The following CENPC variants were observed in gnomAD, a reference collection of about 807,000 sequenced individuals.
The protein encoded by CENPC is CENP-C 1.
A neutral mutation model predicts 112.1 loss-of-function variants in CENPC; 63 were observed. That is an observed-to-expected ratio of 0.56 (90% CI 0.46 to 0.69). CENPC has a LOEUF of 0.69. CENPC is among the 30% of genes least tolerant of loss of function. The probability of loss-of-function intolerance (pLI) is 0.00; values close to 1 mark genes in which losing one functional copy is unlikely to be tolerated. For synonymous variants in CENPC, 333 were observed against 367.6 expected (o/e 0.91, Z 1.08); for missense variants, 1,000 against 1,103.8 (o/e 0.91, Z 1.33).
intron 4 of CENPC, among the ~76,000 whole-genome samples, chr4:67,533,314 C>G (rs976237443): frequency 6.6e-6 from 1 of 152,160 alleles, no homozygotes; most frequent in Admixed American, 6.5e-5. Flanking sequence ...TGCCTTTCGC[C>G]CTATGCCATG....
At position 67,487,259 on chromosome 4, in the gene CENPC, A is replaced by G. The variant is rs1725120226; in HGVS notation, c.2670+2708T>C. On this transcript the variant is annotated intron_variant, in intron 17 of 18. Transcript: ENST00000273853. ...GCACAGTTTATATAGAAAAGGCAGA[A>G]TCAGTTGTTAAAGTGAGTTGGCTTC... Among the ~76,000 whole-genome samples, 5 of 152,146 alleles carry G rather than the reference A, an allele frequency of 3.3e-5. No homozygotes were observed. The South Asian group carries it at 1.0e-3, about 32-fold the overall frequency.
intron 17 of CENPC, among the ~76,000 whole-genome samples, chr4:67,478,152 T>C (rs754208820): frequency 3.9e-5 from 6 of 152,170 alleles, no homozygotes; most frequent in African/African-American, 1.4e-4. Flanking sequence ...ATAACTTCCC[T>C]GGCCTTGCTA....
Position 67,545,435 on chromosome 4 carries a change from A to C in CENPC, c.-80T>G. 1 of 1,395,580 alleles carries C rather than the reference A, an allele frequency of 7.2e-7. No individual in the cohort carries two copies. The allele number at this position is 1,395,580 out of a possible 1,614,324, so 86.4% of individuals were successfully genotyped here. A position where few individuals can be genotyped will look rare whatever the true frequency, so the allele number is the denominator to read the frequency against. On this transcript the variant is annotated 5_prime_UTR_variant, in exon 1 of 19. Coordinates refer to ENST00000273853, the MANE Select transcript of CENPC (RefSeq NM_001812.4). The stretch of plus-strand genomic sequence containing the variant: ...ACAGCTCCAGGAAGCCGAGCAAGAA[A>C]CGAATCGCCGGAATACCAGGCCGCG...
At chr4:67,514,720 A>T in intron 7 of CENPC, 33 bp from the exon 8 acceptor site, 1 of 1,527,600 alleles carries the variant, frequency 6.5e-7, no homozygotes, top group Non-Finnish European at 8.8e-7. Flanking sequence ...ACAGTTCAAA[A>T]AAATAAAGCT....
intron 5 of CENPC, among the ~76,000 whole-genome samples, chr4:67,521,829 A>C (rs1452977496): frequency 6.6e-6 from 1 of 152,238 alleles, no homozygotes; most frequent in Non-Finnish European, 1.5e-5. Flanking sequence ...AACATGGATG[A>C]ACCTTGAAGA....
chr4:67,492,402 A>G (rs1725309645), intron 15 of CENPC, 127 bp from the exon 16 acceptor site: 1 of 557,458 alleles, frequency 1.8e-6, no homozygotes, highest in Non-Finnish European at 3.1e-6. Flanking sequence ...GTCTCTTCCT[A>G]TTTATAAATC....
intron 5 of CENPC, among the ~76,000 whole-genome samples, chr4:67,522,691 C>A (rs1719538817): frequency 1.3e-5 from 2 of 151,962 alleles, no homozygotes; most frequent in Admixed American, 1.3e-4. Context: ...AAGGTGATGA[C>A]CTAAGAAAGA....
chr4:67,519,441 A>T lies in CENPC; in HGVS notation c.393T>A (p.Pro131=). 1 of 1,609,340 alleles carries T rather than the reference A, an allele frequency of 6.2e-7. No homozygotes were observed. The highest frequency in any genetic ancestry group is 8.5e-7 in the Non-Finnish European group (1 of 1,176,770). The change falls in exon 6 of 19, where the codon CCT becomes CCA. Residue 131 remains proline, a synonymous_variant. Transcript: ENST00000273853. ...TTCTACTTGATATTTTTTTCGAGTCAGGTGTATTTTTGGAACTAACATCAG... is the reference window on the plus strand; with the variant it reads ...TTCTACTTGATATTTTTTTCGAGTCTGGTGTATTTTTGGAACTAACATCAG... ...LATDVSSKNT[P]DSKKISSRNI... is the part of the protein sequence containing the mutation.
chr4:67,521,218 A>AG (rs1553896391), intron 5 of CENPC, among the ~76,000 whole-genome samples: 8 of 149,546 alleles, frequency 5.3e-5, no homozygotes, highest in African/African-American at 9.8e-5. Context: ...AAAAAAAAAA[A>AG]GTAAGAAATA....
In CENPC at chr4:67,505,287, T is replaced by G. The variant is rs1359226361; in HGVS notation, c.2052-3A>C. On this transcript the variant is annotated splice_polypyrimidine_tract_variant and splice_region_variant and intron_variant, in intron 11 of 18. Transcript: ENST00000273853. ...TATTATTGAGCCTGGAAGGTCCACTTAAGAAAAAAAGGAAACCACAAAATT... is the reference window on the plus strand; with the variant it reads ...TATTATTGAGCCTGGAAGGTCCACTGAAGAAAAAAAGGAAACCACAAAATT... 6.5e-7 allele frequency: 1 copy of G among 1,531,466 alleles called. No homozygotes were observed. The highest frequency in any genetic ancestry group is 1.4e-5 in the African/African-American group (1 of 71,478). 94.9% of individuals were successfully genotyped at this position (1,531,466 alleles called of 1,614,324 possible). A position where few individuals can be genotyped will look rare whatever the true frequency, so the allele number is the denominator to read the frequency against.
intron 2 of CENPC, among the ~76,000 whole-genome samples, chr4:67,542,963 A>G (rs1422940245): frequency 1.3e-5 from 2 of 152,194 alleles, no homozygotes; most frequent in Admixed American, 1.3e-4. Context: ...AATTTATCAA[A>G]TTCGTCTTTT....
intron 5 of CENPC, among the ~76,000 whole-genome samples, chr4:67,528,641 T>C (rs1726455490): frequency 6.6e-6 from 1 of 152,262 alleles, no homozygotes; most frequent in Non-Finnish European, 1.5e-5. Context: ...TGCTATGTTA[T>C]ATAGCAGAAC....
chr4:67,514,133 A>G lies in CENPC; in HGVS notation c.1385T>C (p.Met462Thr), dbSNP rs745903830. 1.2e-6 allele frequency: 2 copies of G among 1,610,300 alleles called. No homozygotes were observed. The highest frequency in any genetic ancestry group is 1.7e-6 in the Non-Finnish European group (2 of 1,178,644). ...DEFQRNSDRNMEEHEEMGNDC... is the reference protein window; with the variant it reads ...DEFQRNSDRNTEEHEEMGNDC... ...ATTTCCCATCTCTTCATGCTCTTCC[A>G]TATTTCTGTCTGAATTTCTTTGAAA... Residue 462 changes from methionine (M) to threonine (T), a missense_variant, in exon 8 of 19, where the codon ATG becomes ACG. Coordinates refer to ENST00000273853, the MANE Select transcript of CENPC (RefSeq NM_001812.4).
At chr4:67,508,005 C>G (rs1168123866) in intron 10 of CENPC, among the ~76,000 whole-genome samples, 1 of 152,108 alleles carries the variant, frequency 6.6e-6, no homozygotes, top group Non-Finnish European at 1.5e-5. Flanking sequence ...GATTCCAACA[C>G]AAAGTATGTA....
intron 6 of CENPC, among the ~76,000 whole-genome samples, chr4:67,518,806 G>A (rs1726134172): frequency 6.6e-6 from 1 of 152,118 alleles, no homozygotes; most frequent in Admixed American, 6.5e-5. Flanking sequence ...TTTCCTAAAG[G>A]CCAAAGGTAA....
At chr4:67,522,500 G>A (rs149792804) in intron 5 of CENPC, among the ~76,000 whole-genome samples, 1 of 152,184 alleles carries the variant, frequency 6.6e-6, no homozygotes, top group African/African-American at 2.4e-5. Context: ...TATTGTCTGG[G>A]TTCCAAGGGC....
rs137965891 is a variant in CENPC, at chr4:67,476,518, C to T, written c.2671-1540G>A. Among the ~76,000 whole-genome samples the T allele has an allele frequency of 5.8e-3, 886 of 152,262 alleles. 6 individuals carry two copies. Among genetic ancestry groups the T allele is most frequent in the Admixed American group, 0.012 (190 of 15,294 alleles). ...GAGCCCTGTTAAGTACTCCTGGTTTCCAAGGAAACCCAAGGAAGCCATTTC... is the reference window on the plus strand; with the variant it reads ...GAGCCCTGTTAAGTACTCCTGGTTTTCAAGGAAACCCAAGGAAGCCATTTC... On this transcript the variant is annotated intron_variant, in intron 17 of 18. Transcript: ENST00000273853.
chr4:67,503,899 G>A (rs1256747211), intron 12 of CENPC, among the ~76,000 whole-genome samples: 3 of 151,836 alleles, frequency 2.0e-5, no homozygotes, highest in Admixed American at 1.3e-4. Context: ...CAACTTCTTA[G>A]AATAACAGCA....
At chr4:67,537,883 C>T (rs1312094015) in intron 4 of CENPC, among the ~76,000 whole-genome samples, 1 of 152,164 alleles carries the variant, frequency 6.6e-6, no homozygotes, top group African/African-American at 2.4e-5. Context: ...AGTCAGCAGG[C>T]TGAGACGGAA....
Sources: gnomAD v4.1 joint callset for allele counts (sites outside exome capture counted in the v4.1 genomes callset) on GRCh38, gnomAD v4.1.1 for gene constraint, MANE v1.5 for transcripts, NCBI Gene and HGNC (gene_info 2026-07-23, HGNC 2026-07-21) for gene names.